Variants in SIL1 observed in about 807,000 individuals in gnomAD.
SIL1 encodes SIL1 nucleotide exchange factor.
Under a neutral mutation model 49.1 loss-of-function variants are expected in SIL1, and 40 were observed. That is an observed-to-expected ratio of 0.81 (90% CI 0.63 to 1.06). The LOEUF is 1.06. Ranked by LOEUF, SIL1 falls within the 50% of genes least tolerant of loss-of-function variation. The pLI, the probability that SIL1 is intolerant of heterozygous loss-of-function variation, is 0.00. For synonymous variants in SIL1, 253 were observed against 250.8 expected (o/e 1.01, Z -0.08); for missense variants, 500 against 572.6 (o/e 0.87, Z 1.29).
At chr5:138,996,375 T>A (rs1259340765) in intron 7 of SIL1, among the ~76,000 whole-genome samples, 1 of 152,192 alleles carries the variant, frequency 6.6e-6, no homozygotes, top group Non-Finnish European at 1.5e-5. Context: ...TAATCAGATT[T>A]TTTTTTGCTA....
At position 138,964,722 on chromosome 5, in the gene SIL1, C is replaced by G. The variant is rs114497699; in HGVS notation, c.768-12838G>C. Among the ~76,000 whole-genome samples, 446 of 152,272 alleles carry G rather than the reference C, an allele frequency of 2.9e-3. 2 individuals are homozygous for G. Among genetic ancestry groups the G allele is most frequent in the African/African-American group, 9.0e-3 (376 of 41,554 alleles). ...CACAAAATCTCTATGGCTTGAATAG[C>G]AAGGGAAACAAAAGGCTTGACGATT... is the stretch of plus-strand genomic sequence containing the variant. On this transcript the variant is annotated intron_variant, in intron 7 of 9. Transcript: ENST00000394817.
chr5:139,076,893 G>A (rs1173049362), intron 3 of SIL1, among the ~76,000 whole-genome samples: 1 of 152,186 alleles, frequency 6.6e-6, no homozygotes, highest in Non-Finnish European at 1.5e-5. Flanking sequence ...CACTTTGGGA[G>A]GCCAAGGCAG....
chr5:139,185,150 T>C (rs1461513997), intron 1 of SIL1, among the ~76,000 whole-genome samples: 1 of 152,128 alleles, frequency 6.6e-6, no homozygotes, highest in Non-Finnish European at 1.5e-5. Context: ...ACCTTCCACA[T>C]CCCGAAGACG....
chr5:139,043,545 T>A (rs1001591994), intron 4 of SIL1, among the ~76,000 whole-genome samples: 1 of 152,150 alleles, frequency 6.6e-6, no homozygotes, highest in Non-Finnish European at 1.5e-5. Flanking sequence ...TGTCTCAACC[T>A]GACCAAGGAA....
intron 3 of SIL1, among the ~76,000 whole-genome samples, chr5:139,056,182 T>G (rs1581064368): frequency 6.7e-6 from 1 of 149,390 alleles, no homozygotes; most frequent in East Asian, 2.0e-4. Context: ...GTCTGGAAAG[T>G]GAGGAGCGTC....
intron 3 of SIL1, among the ~76,000 whole-genome samples, chr5:139,055,584 CA>C (rs1263446578): frequency 3.4e-5 from 5 of 148,456 alleles, no homozygotes; most frequent in African/African-American, 1.3e-4. Flanking sequence ...AAAAGAACAT[CA>C]CTGACTCTCC....
intron 7 of SIL1, among the ~76,000 whole-genome samples, chr5:138,998,303 G>A (rs1437799168): frequency 6.6e-6 from 1 of 151,988 alleles, no homozygotes; most frequent in African/African-American, 2.4e-5. Flanking sequence ...GAGTAGCTGC[G>A]ACCACAGGCG....
chr5:139,133,401 C>T (rs909866173), intron 1 of SIL1: 1 of 152,232 alleles, frequency 6.6e-6, no homozygotes, highest in Non-Finnish European at 1.5e-5. Flanking sequence ...GGAGGCCACT[C>T]GGCCCCCACC....
intron 1 of SIL1, among the ~76,000 whole-genome samples, chr5:139,144,206 C>T (rs1024396630): frequency 1.3e-5 from 2 of 152,156 alleles, no homozygotes; most frequent in South Asian, 2.1e-4. Flanking sequence ...TGCCTGTAAT[C>T]CCAGCTACTT....
chr5:139,132,182 G>C (rs970931241), intron 1 of SIL1, among the ~76,000 whole-genome samples: 14 of 152,192 alleles, frequency 9.2e-5, no homozygotes, highest in African/African-American at 2.9e-4. Flanking sequence ...ATAGTCAAGG[G>C]CAAAGAAGAC....
chr5:139,108,950 C>G (rs1428889150), intron 3 of SIL1, among the ~76,000 whole-genome samples: 1 of 151,926 alleles, frequency 6.6e-6, no homozygotes, highest in Non-Finnish European at 1.5e-5. Context: ...ACTTTAGAAC[C>G]AAGACTTTCA....
chr5:138,969,838 A>G (rs1422240178), intron 7 of SIL1, among the ~76,000 whole-genome samples: 1 of 152,264 alleles, frequency 6.6e-6, no homozygotes, highest in East Asian at 1.9e-4. Flanking sequence ...CAGCCTCACA[A>G]GGGCCTTGCA....
chr5:139,025,879 T>C (rs1283741496), intron 6 of SIL1, among the ~76,000 whole-genome samples: 2 of 152,222 alleles, frequency 1.3e-5, no homozygotes, highest in Non-Finnish European at 2.9e-5. Flanking sequence ...CATTGTGGCA[T>C]AAAAACAGCA....
chr5:138,996,197 CCT>C (rs1046806090), intron 7 of SIL1, among the ~76,000 whole-genome samples: 1 of 152,166 alleles, frequency 6.6e-6, no homozygotes, highest in East Asian at 1.9e-4. Flanking sequence ...TCCATTATTC[CCT>C]GTCTCTTTGA....
At chr5:139,035,225 G>A (rs188620658) in intron 5 of SIL1, 2 of 450,552 alleles carry the variant, frequency 4.4e-6, no homozygotes, top group East Asian at 1.0e-4. Context: ...CAACACTGCA[G>A]CCCACAAACT....
At chr5:138,970,173 G>C (rs1171372010) in intron 7 of SIL1, among the ~76,000 whole-genome samples, 1 of 152,258 alleles carries the variant, frequency 6.6e-6, no homozygotes, top group Non-Finnish European at 1.5e-5. Context: ...AGATGAAAAT[G>C]TATGCACAGA....
At chr5:139,086,351 T>TTTTTA (rs1396304359) in intron 3 of SIL1, among the ~76,000 whole-genome samples, 2 of 151,768 alleles carry the variant, frequency 1.3e-5, no homozygotes, top group African/African-American at 4.8e-5. Context: ...CATTTTTTTA[T>TTTTTA]TTTTATTTTA....
chr5:139,058,280 A>C (rs1769502581), intron 3 of SIL1, among the ~76,000 whole-genome samples: 1 of 151,840 alleles, frequency 6.6e-6, no homozygotes, highest in Non-Finnish European at 1.5e-5. Context: ...AGGATTGACC[A>C]CTCGTGGTCT....
chr5:139,192,894 G>A (rs1267788446), intron 1 of SIL1, among the ~76,000 whole-genome samples: 1 of 151,020 alleles, frequency 6.6e-6, no homozygotes, highest in Non-Finnish European at 1.5e-5. Flanking sequence ...CTACTCAGGA[G>A]GCTGAGGCAG....
Sources: gnomAD v4.1 joint callset for allele counts (sites outside exome capture counted in the v4.1 genomes callset) on GRCh38, gnomAD v4.1.1 for gene constraint, MANE v1.5 for transcripts, NCBI Gene and HGNC (gene_info 2026-07-23, HGNC 2026-07-21) for gene names.